Variants in NECTIN4 observed in about 807,000 individuals in gnomAD.
NECTIN4 encodes nectin cell adhesion molecule 4.
Under a neutral mutation model 51.7 loss-of-function variants are expected in NECTIN4, and 19 were observed. That is an observed-to-expected ratio of 0.37 (90% CI 0.26 to 0.54). The LOEUF is 0.54. Ranked by LOEUF, NECTIN4 falls within the 20% of genes least tolerant of loss-of-function variation. NECTIN4 has a pLI of 0.86. For missense variants in NECTIN4, 619 were observed against 662.4 expected, an observed-to-expected ratio of 0.93 and a Z score of 0.72; for synonymous variants, 283 against 286.9, an observed-to-expected ratio of 0.99 and a Z score of 0.14.
In NECTIN4 at chr1:161,079,736, A is replaced by C; in HGVS notation, c.293T>G (p.Val98Gly). ...GTTGCGTGGGGGCGGCGGCTGCTCCACGCGGCCCTCGTAAGCCGGGCTCAC... is the reference window on the plus strand; with the variant it reads ...GTTGCGTGGGGGCGGCGGCTGCTCCCCGCGGCCCTCGTAAGCCGGGCTCAC... Reference protein sequence around the residue: ...LHVSPAYEGRVEQPPPPRNPL... With the variant: ...LHVSPAYEGRGEQPPPPRNPL... Residue 98 changes from valine to glycine, a missense_variant, in exon 2 of 9, where the codon GTG becomes GGG. Around this residue, in one of 3 missense-constraint regions of NECTIN4, gnomAD observed 218 missense variants for 186.3 expected, o/e 1.17. Transcript: ENST00000368012. The C allele has an allele frequency of 6.2e-7, 1 of 1,610,362 alleles. No individual in the cohort carries two copies. Among genetic ancestry groups the C allele is most frequent in the Non-Finnish European group, 8.5e-7 (1 of 1,179,858 alleles).
chr1:161,074,534 T>C lies in NECTIN4; in HGVS notation c.1000+77A>G, dbSNP rs531279150. 1.8e-5 allele frequency: 28 copies of C among 1,591,830 alleles called. No homozygotes were observed. The South Asian group carries it at 2.7e-4, about 15-fold the overall frequency. On this transcript the variant is annotated intron_variant, in intron 5 of 8. Coordinates refer to ENST00000368012, the MANE Select transcript of NECTIN4 (RefSeq NM_030916.3). ...GAATAAACACTTTCCCAATTCACTGTCTCTGTCTTGCTTCCTGCTGCCCCC... is the reference window on the plus strand; with the variant it reads ...GAATAAACACTTTCCCAATTCACTGCCTCTGTCTTGCTTCCTGCTGCCCCC...
At chr1:161,083,951 A>G (rs1653812466) in intron 1 of NECTIN4, among the ~76,000 whole-genome samples, 1 of 152,244 alleles carries the variant, frequency 6.6e-6, no homozygotes, top group Non-Finnish European at 1.5e-5. Flanking sequence ...ACACCCAGCC[A>G]TCAAGAGCAT....
At chr1:161,073,588 G>T in intron 7 of NECTIN4, 132 bp downstream of exon 7, 1 of 907,406 alleles carries the variant, frequency 1.1e-6, no homozygotes, top group South Asian at 1.3e-5. Flanking sequence ...ACTCTACCCC[G>T]GCCAACCCCA....
rs185134457 is a variant in NECTIN4 at position 161,089,555 on chromosome 1, C to A, written c.-259G>T. 1.9e-6 allele frequency: 1 copy of A among 528,698 alleles called. No homozygotes were observed. Among genetic ancestry groups the A allele is most frequent in the Admixed American group, 3.1e-5 (1 of 31,852 alleles). 32.8% of individuals were successfully genotyped at this position (528,698 alleles called of 1,614,324 possible). The stretch of plus-strand genomic sequence containing the variant: ...CTTCCCACGCTGTGGCCAACAACGA[C>A]GGCAGAAACCTGGGAACCTGCTCAG... On this transcript the variant is annotated 5_prime_UTR_variant, in exon 1 of 9. Coordinates refer to ENST00000368012, the MANE Select transcript of NECTIN4 (RefSeq NM_030916.3). This position sits in a 1 kb window ranked among gnomAD's most constrained non-coding sequence, Gnocchi z 4.1.
chr1:161,077,786 C>A, intron 2 of NECTIN4, 43 bp from the exon 3 acceptor site: 1 of 1,559,990 alleles, frequency 6.4e-7, no homozygotes, highest in East Asian at 2.3e-5. Context: ...TACACAATCC[C>A]TGTCAGGAGG....
At chr1:161,088,421 A>G (rs1238347795) in intron 1 of NECTIN4, among the ~76,000 whole-genome samples, 1 of 152,160 alleles carries the variant, frequency 6.6e-6, no homozygotes, top group Non-Finnish European at 1.5e-5. Context: ...TGAAGATTAT[A>G]CATTCCTATA....
rs573738156 is a variant in NECTIN4, at chr1:161,075,568, C to T, written c.851+787G>A. On this transcript the variant is annotated intron_variant, in intron 4 of 8. Transcript: ENST00000368012. Reference sequence around the variant, plus strand: ...GGCGGATCACCCGAGGTCAGCAGTTCGAGACCAGCGTGGTCAACATGGTGA... The same window carrying T: ...GGCGGATCACCCGAGGTCAGCAGTTTGAGACCAGCGTGGTCAACATGGTGA... Among the ~76,000 whole-genome samples the T allele has an allele frequency of 2.1e-4, 32 of 151,756 alleles. No individual in the cohort carries two copies. The East Asian group carries it at 5.8e-3, about 28-fold the overall frequency.
rs754040614 is a variant in NECTIN4, at chr1:161,079,936, C to T, written c.93G>A (p.Ala31=). The part of the protein sequence containing the change: ...LLASFTGRCP[A]GELETSDVVT... ...CCACGTCTGAGGTCTCCAGCTCACC[C>T]GCGGGGCACCGGCCTGCAGGGGGCA... Residue 31 remains alanine, a synonymous_variant, in exon 2 of 9, where the codon GCG becomes GCA. Coordinates refer to ENST00000368012, the MANE Select transcript of NECTIN4 (RefSeq NM_030916.3). The T allele has an allele frequency of 1.1e-5, 17 of 1,602,984 alleles. No homozygotes were observed. The East Asian group carries it at 1.3e-4, about 13-fold the overall frequency.
chr1:161,085,531 C>T (rs893934639), intron 1 of NECTIN4, among the ~76,000 whole-genome samples: 5 of 152,000 alleles, frequency 3.3e-5, no homozygotes, highest in African/African-American at 1.2e-4. Context: ...TCTCAGGACA[C>T]ACCAGATTTA....
At chr1:161,073,571 C>A in intron 7 of NECTIN4, 149 bp downstream of exon 7, 3 of 821,056 alleles carry the variant, frequency 3.7e-6, no homozygotes, top group Non-Finnish European at 6.3e-6. Flanking sequence ...GCAGCTACAC[C>A]CTCTCAACTC....
chr1:161,078,662 C>G (rs541996947), intron 2 of NECTIN4, among the ~76,000 whole-genome samples: 3 of 152,118 alleles, frequency 2.0e-5, no homozygotes, highest in Admixed American at 2.0e-4. Flanking sequence ...AAAGACTTAA[C>G]TTGACCGTAA....
chr1:161,078,876 G>A (rs1207117093), intron 2 of NECTIN4, among the ~76,000 whole-genome samples: 1 of 152,092 alleles, frequency 6.6e-6, no homozygotes, highest in Admixed American at 6.6e-5. Flanking sequence ...ACTGGGCGTG[G>A]TGGTGGGCGC....
In NECTIN4 at chr1:161,072,316, G is replaced by A. The variant is rs956015329; in HGVS notation, c.*345C>T. On this transcript the variant is annotated 3_prime_UTR_variant, in exon 9 of 9. Transcript: ENST00000368012. Reference sequence around the variant, plus strand: ...TTGCCCACGCAACCACTCAAATCCCGTGGCACATACACCACAGTTCACTTG... The same window carrying A: ...TTGCCCACGCAACCACTCAAATCCCATGGCACATACACCACAGTTCACTTG... The A allele has an allele frequency of 3.2e-5, 13 of 405,070 alleles. No individual in the cohort carries two copies. Among genetic ancestry groups the A allele is most frequent in the South Asian group, 8.7e-5 (4 of 45,814 alleles). 25.1% of individuals were successfully genotyped at this position (405,070 alleles called of 1,614,324 possible).
chr1:161,072,657 T>C lies in NECTIN4; in HGVS notation c.*4A>G. ...CAGGCCTAGGGAAGGGAGGCAGGCC[T>C]GGGTCAGACCAGGTGTCCCCGCCCA... On this transcript the variant is annotated 3_prime_UTR_variant, in exon 9 of 9. Transcript: ENST00000368012. 1.2e-6 allele frequency: 2 copies of C among 1,613,338 alleles called. No individual in the cohort carries two copies. The highest frequency in any genetic ancestry group is 1.7e-6 in the Non-Finnish European group (2 of 1,179,244).
chr1:161,076,156 T>C (rs1388689203), intron 4 of NECTIN4, among the ~76,000 whole-genome samples, 199 bp downstream of exon 4: 1 of 152,240 alleles, frequency 6.6e-6, no homozygotes, highest in Non-Finnish European at 1.5e-5. Context: ...GTATCTTAGA[T>C]TCCCTGGGCA....
chr1:161,080,108 C>T (rs563675293), intron 1 of NECTIN4, among the ~76,000 whole-genome samples, 159 bp from the exon 2 acceptor site: 1 of 152,296 alleles, frequency 6.6e-6, no homozygotes, highest in South Asian at 2.1e-4. Context: ...TACAAAACGC[C>T]TTCCCAAGAG....
At chr1:161,075,809 G>T (rs771331337) in intron 4 of NECTIN4, among the ~76,000 whole-genome samples, 58 of 152,210 alleles carry the variant, frequency 3.8e-4, no homozygotes, top group African/African-American at 1.3e-3. Flanking sequence ...TGGGCGTGGT[G>T]GCTCACGCCT....
rs1296104343 is a variant in NECTIN4 at position 161,077,583 on chromosome 1, G to C, written c.600C>G (p.Arg200=). 1 of 1,613,972 alleles carries C rather than the reference G, an allele frequency of 6.2e-7. No homozygotes were observed. Among genetic ancestry groups the C allele is most frequent in the South Asian group, 1.1e-5 (1 of 91,086 alleles). ...GGAACTCTGAGGTGACGGCAGCAGA[G>C]CGGGAGTGCTTGAAGGAACGGCTGG... ...TTSSRSFKHS[R]SAAVTSEFHL... The change falls in exon 3 of 9, where the codon CGC becomes CGG. Residue 200 remains arginine (R), a synonymous_variant. Coordinates refer to ENST00000368012, the MANE Select transcript of NECTIN4 (RefSeq NM_030916.3).
Position 161,074,794 on chromosome 1 carries a change from G to A in NECTIN4, c.852-35C>T, listed in dbSNP as rs138779685. The A allele has an allele frequency of 7.9e-4, 1,274 of 1,604,268 alleles. 13 individuals are homozygous for A. In the African/African-American group the frequency reaches 0.014, roughly 18 times the overall value. On this transcript the variant is annotated intron_variant, in intron 4 of 8. Transcript: ENST00000368012. ...AGGGAAGCTGAAGGGTGCCAGCCGG[G>A]AAGGGCTGAAGCCACCACCACCCAA...
Sources: allele counts gnomAD v4.1 joint callset (sites outside exome capture counted in the v4.1 genomes callset), GRCh38; gene constraint gnomAD v4.1.1; regional missense constraint gnomAD v4.1.1; non-coding constraint Gnocchi (gnomAD v3.1); transcripts MANE v1.5; gene names NCBI Gene and HGNC (gene_info 2026-07-23, HGNC 2026-07-21).